The following LIPC variants were observed in gnomAD, a reference collection of about 807,000 sequenced individuals.
LIPC encodes lipase C, hepatic type.
In LIPC, 44 loss-of-function variants were observed where a neutral mutation model predicts 50.7. The ratio of observed to expected loss-of-function variants is 0.87; its 90% confidence interval spans 0.68 to 1.11. LIPC has a LOEUF of 1.11. Ranked by LOEUF, LIPC falls within the 50% of genes most tolerant of loss-of-function variation. The pLI, the probability that LIPC is intolerant of heterozygous loss-of-function variation, is 0.00. For synonymous variants in LIPC, 271 were observed against 256.4 expected (o/e 1.06, Z -0.54); for missense variants, 697 against 648.2 (o/e 1.08, Z -0.82).
chr15:58,543,613 G>A (rs530096816), intron 4 of LIPC, among the ~76,000 whole-genome samples: 85 of 152,224 alleles, frequency 5.6e-4, no homozygotes, highest in African/African-American at 1.8e-3. Flanking sequence ...AAGTTGTTGC[G>A]AATTTATATT....
intron 1 of LIPC, among the ~76,000 whole-genome samples, chr15:58,473,425 T>C (rs534847541): frequency 6.6e-6 from 1 of 152,112 alleles, no homozygotes; most frequent in African/African-American, 2.4e-5. Context: ...GAGAAGCCCA[T>C]TACCCACCCA....
At chr15:58,550,943 T>C (rs1022485671) in intron 6 of LIPC, among the ~76,000 whole-genome samples, 2 of 144,922 alleles carry the variant, frequency 1.4e-5, no homozygotes, top group African/African-American at 5.2e-5. Context: ...TTCAAGTGAT[T>C]CTCCTGCCTC....
At chr15:58,485,582 T>G (rs1369237867) in intron 1 of LIPC, among the ~76,000 whole-genome samples, 2 of 148,286 alleles carry the variant, frequency 1.3e-5, no homozygotes, top group Non-Finnish European at 3.0e-5. Context: ...AAGATTCAGC[T>G]TGAAAGTCTC....
intron 1 of LIPC, among the ~76,000 whole-genome samples, chr15:58,473,363 G>C (rs1416932029): frequency 1.3e-5 from 2 of 152,150 alleles, no homozygotes; most frequent in Admixed American, 6.5e-5. Context: ...AGAAGCCCTC[G>C]TGGTGAGGAA....
In LIPC at chr15:58,545,785, C is replaced by A. The variant is rs199615899; in HGVS notation, c.618C>A (p.Ser206Arg). Residue 206 changes from serine (S) to arginine (R), a missense_variant, in exon 5 of 9, where the codon AGC becomes AGA. By Grantham distance (110) the Ser-to-Arg change is moderately radical (BLOSUM62 -1). Transcript: ENST00000299022. Reference protein sequence around the residue: ...AGPLFEGSAPSNRLSPDDANF... With the variant: ...AGPLFEGSAPRNRLSPDDANF... ...CTTTGTTTGAGGGAAGTGCCCCCAG[C>A]AATCGTCTTTCTCCAGATGATGCCA... The A allele has an allele frequency of 6.8e-5, 110 of 1,614,116 alleles. No individual in the cohort carries two copies. The highest frequency in any genetic ancestry group is 1.7e-4 in the Admixed American group (10 of 60,012).
intron 1 of LIPC, among the ~76,000 whole-genome samples, chr15:58,529,355 C>G (rs1050576807): frequency 3.3e-5 from 5 of 152,168 alleles, no homozygotes; most frequent in Non-Finnish European, 4.4e-5. Flanking sequence ...AAGGATTCTC[C>G]TAGTGCTACC....
intron 5 of LIPC, 127 bp from the exon 6 acceptor site, chr15:58,548,203 C>T: frequency 7.9e-7 from 1 of 1,260,854 alleles, no homozygotes; most frequent in Non-Finnish European, 1.2e-6. Context: ...TCTGCCTTGA[C>T]AAGCCCACCC....
intron 6 of LIPC, among the ~76,000 whole-genome samples, chr15:58,554,435 C>T (rs1893864086): frequency 6.6e-6 from 1 of 152,152 alleles, no homozygotes; most frequent in Admixed American, 6.5e-5. Context: ...CCTTATTAAA[C>T]ATGTCATAAG....
At chr15:58,462,896 T>C (rs766050360) in intron 1 of LIPC, among the ~76,000 whole-genome samples, 38 of 152,238 alleles carry the variant, frequency 2.5e-4, no homozygotes, top group Non-Finnish European at 4.7e-4. Flanking sequence ...TGCAGAGTTA[T>C]TGGCGGAGTT....
At chr15:58,444,598 C>T (rs1490705006) in intron 1 of LIPC, among the ~76,000 whole-genome samples, 1 of 152,076 alleles carries the variant, frequency 6.6e-6, no homozygotes, top group African/African-American at 2.4e-5. Context: ...CTGATGGCTG[C>T]GTCTCTTCTG....
chr15:58,437,644 C>T (rs1343228374), intron 1 of LIPC, among the ~76,000 whole-genome samples: 14 of 152,062 alleles, frequency 9.2e-5, no homozygotes. Context: ...CCACCAGCAC[C>T]CAACTTTGCA....
At chr15:58,559,715 A>AAAAAAAAAAAAAC (rs1894091396) in intron 6 of LIPC, among the ~76,000 whole-genome samples, 1 of 145,112 alleles carries the variant, frequency 6.9e-6, no homozygotes. Flanking sequence ...AAAAAAAAAA[A>AAAAAAAAAAAAAC]AAAAAAAAAA....
At chr15:58,542,345 G>T (rs1012634405) in intron 3 of LIPC, among the ~76,000 whole-genome samples, 189 bp from the exon 4 acceptor site, 3 of 152,176 alleles carry the variant, frequency 2.0e-5, no homozygotes, top group African/African-American at 7.2e-5. Context: ...GCTACAAGGC[G>T]AGGTCACAGG....
rs1339039278 is a variant in LIPC, at chr15:58,538,622, T to G, written c.273+105T>G. On this transcript the variant is annotated intron_variant, in intron 2 of 8. Coordinates refer to ENST00000299022, the MANE Select transcript of LIPC (RefSeq NM_000236.3). ...AAGATAGGGAGCTGGTGATAACAAC[T>G]CCATGCATAATGTTTATGAAGCACG... The G allele has an allele frequency of 4.6e-6, 5 of 1,094,164 alleles. No homozygotes were observed. In the African/African-American group the frequency reaches 7.7e-5, roughly 17 times the overall value. 67.8% of individuals were successfully genotyped at this position (1,094,164 alleles called of 1,614,324 possible).
chr15:58,437,269 T>C (rs1292681554), intron 1 of LIPC, among the ~76,000 whole-genome samples: 3 of 152,146 alleles, frequency 2.0e-5, no homozygotes, highest in African/African-American at 7.2e-5. Flanking sequence ...GGGGAGCAGG[T>C]GTCATAACTT....
intron 1 of LIPC, among the ~76,000 whole-genome samples, chr15:58,476,026 A>T (rs564713624): frequency 5.3e-5 from 8 of 152,270 alleles, no homozygotes; most frequent in Non-Finnish European, 1.0e-4. Context: ...TTCTTACACC[A>T]GGCAGCGTGC....
chr15:58,470,147 G>T (rs1315481825), intron 1 of LIPC, among the ~76,000 whole-genome samples: 1 of 152,042 alleles, frequency 6.6e-6, no homozygotes, highest in Admixed American at 6.5e-5. Context: ...GCCCAAGCTG[G>T]TCTCAAATTC....
At chr15:58,521,487 A>G (rs1488469133) in intron 1 of LIPC, 1 of 152,074 alleles carries the variant, frequency 6.6e-6, no homozygotes, top group African/African-American at 2.4e-5. Context: ...AAGAGGAGAG[A>G]GGTTCCAAGC....
intron 8 of LIPC, chr15:58,566,242 G>A (rs1184602130): frequency 9.1e-6 from 9 of 985,350 alleles, no homozygotes; most frequent in African/African-American, 1.7e-5. Flanking sequence ...TACACTTGGG[G>A]CTGTGCTGCA....
Sources: allele counts gnomAD v4.1 joint callset (sites outside exome capture counted in the v4.1 genomes callset), GRCh38; gene constraint gnomAD v4.1.1; transcripts MANE v1.5; gene names NCBI Gene and HGNC (gene_info 2026-07-23, HGNC 2026-07-21).